Variants in PXDNL observed in about 807,000 individuals in gnomAD.
PXDNL encodes probable oxidoreductase PXDNL.
A neutral mutation model predicts 150.8 loss-of-function variants in PXDNL; 145 were observed. That is an observed-to-expected ratio of 0.96 (90% CI 0.84 to 1.10). PXDNL has a LOEUF of 1.10. Ranked by LOEUF, PXDNL falls within the 50% of genes least tolerant of loss-of-function variation. PXDNL has a pLI of 0.00. For missense variants in PXDNL, 2,087 were observed against 1,873.9 expected (o/e 1.11, Z -2.10); for synonymous variants, 757 against 725.7 (o/e 1.04, Z -0.69).
At chr8:51,334,114 A>ATTTTCTT (rs879861387) in intron 21 of PXDNL, among the ~76,000 whole-genome samples, 33,036 of 151,636 alleles carry the variant, frequency 0.22, 3,808 homozygotes, top group Middle Eastern at 0.3. Flanking sequence ...AATCATATCA[A>ATTTTCTT]GCATTCTCGC....
intron 4 of PXDNL, among the ~76,000 whole-genome samples, chr8:51,533,814 T>G (rs1159073156): frequency 6.6e-6 from 1 of 150,548 alleles, no homozygotes; most frequent in African/African-American, 2.5e-5. Context: ...TGGAGTGCAG[T>G]GGCGTGATCT....
intron 1 of PXDNL, among the ~76,000 whole-genome samples, chr8:51,677,594 T>G (rs1319159057): frequency 1.3e-5 from 2 of 152,150 alleles, no homozygotes; most frequent in Non-Finnish European, 2.9e-5. Context: ...ATTAATGGAC[T>G]TAGGTGTTAA....
At chr8:51,618,954 G>T (rs1814183828) in intron 2 of PXDNL, among the ~76,000 whole-genome samples, 1 of 152,168 alleles carries the variant, frequency 6.6e-6, no homozygotes, top group South Asian at 2.1e-4. Context: ...TATATTTCAA[G>T]AAGTATTTCT....
At chr8:51,785,244 C>T (rs2037450036) in intron 1 of PXDNL, among the ~76,000 whole-genome samples, 1 of 150,876 alleles carries the variant, frequency 6.6e-6, no homozygotes, top group Non-Finnish European at 1.5e-5. Flanking sequence ...TTTGTACCTG[C>T]CAAAAAAAAA....
chr8:51,642,357 T>C (rs1334968354), intron 2 of PXDNL, among the ~76,000 whole-genome samples: 1 of 151,932 alleles, frequency 6.6e-6, no homozygotes, highest in Non-Finnish European at 1.5e-5. Flanking sequence ...TAAAGTATAA[T>C]AATATAAAAT....
intron 19 of PXDNL, among the ~76,000 whole-genome samples, chr8:51,370,318 C>A (rs1418823357): frequency 6.6e-6 from 1 of 152,184 alleles, no homozygotes; most frequent in Non-Finnish European, 1.5e-5. Context: ...CTGGTCATCA[C>A]AGCCCACACC....
chr8:51,539,938 CTTT>C (rs61652546), intron 4 of PXDNL, among the ~76,000 whole-genome samples: 2 of 145,056 alleles, frequency 1.4e-5, no homozygotes. Flanking sequence ...TATCTACTAC[CTTT>C]TTTTTTTTTT....
chr8:51,609,838 A>G (rs1301758418), intron 2 of PXDNL, among the ~76,000 whole-genome samples: 1 of 152,198 alleles, frequency 6.6e-6, no homozygotes, highest in Non-Finnish European at 1.5e-5. Context: ...AAATGTACGT[A>G]GAGAAGTGCT....
chr8:51,432,128 T>A (rs1012351102), intron 12 of PXDNL, among the ~76,000 whole-genome samples: 1 of 152,226 alleles, frequency 6.6e-6, no homozygotes, highest in Non-Finnish European at 1.5e-5. Flanking sequence ...ATATTAAAAC[T>A]TTTTTATCTG....
intron 2 of PXDNL, among the ~76,000 whole-genome samples, chr8:51,637,572 GA>G (rs1472590036): frequency 1.3e-5 from 2 of 152,158 alleles, no homozygotes; most frequent in Non-Finnish European, 2.9e-5. Flanking sequence ...TTCAGTAGCC[GA>G]TTCTATCAAC....
At chr8:51,422,312 C>G (rs1006383340) in intron 14 of PXDNL, among the ~76,000 whole-genome samples, 1 of 152,080 alleles carries the variant, frequency 6.6e-6, no homozygotes, top group African/African-American at 2.4e-5. Context: ...AAGCCATCTC[C>G]CCACCCCGGT....
At chr8:51,532,223 A>C (rs2130435948) in intron 4 of PXDNL, among the ~76,000 whole-genome samples, 1 of 151,690 alleles carries the variant, frequency 6.6e-6, no homozygotes, top group South Asian at 2.1e-4. Flanking sequence ...GCCAGAATTA[A>C]GAAAAAAAAG....
At chr8:51,790,901 T>C (rs1321277167) in intron 1 of PXDNL, among the ~76,000 whole-genome samples, 1 of 137,724 alleles carries the variant, frequency 7.3e-6, no homozygotes, top group Non-Finnish European at 1.7e-5. Flanking sequence ...GTAAATACAC[T>C]TCTTTGTACC....
Position 51,428,404 on chromosome 8 carries a change from A to G in PXDNL, c.1526-1646T>C, listed in dbSNP as rs533574007. Among the ~76,000 whole-genome samples the G allele has an allele frequency of 2.6e-5, 4 of 152,360 alleles. No homozygotes were observed. In the East Asian group the frequency reaches 7.7e-4, roughly 29 times the overall value. Reference sequence around the variant, plus strand: ...GAAATGCAAAGGAACTAGAATAGCTAAATGTTTTTGACAAAAAAGAATAAA... The same window carrying G: ...GAAATGCAAAGGAACTAGAATAGCTGAATGTTTTTGACAAAAAAGAATAAA... On this transcript the variant is annotated intron_variant, in intron 12 of 22. Transcript: ENST00000356297.
At chr8:51,355,572 G>A (rs554406110) in intron 19 of PXDNL, among the ~76,000 whole-genome samples, 1 of 152,114 alleles carries the variant, frequency 6.6e-6, no homozygotes, top group Non-Finnish European at 1.5e-5. Flanking sequence ...CCTGCCTTAG[G>A]TGTAAGTTTT....
intron 8 of PXDNL, among the ~76,000 whole-genome samples, chr8:51,467,124 A>G (rs1323796523): frequency 6.6e-6 from 1 of 152,178 alleles, no homozygotes; most frequent in Non-Finnish European, 1.5e-5. Context: ...AATAGCAAAA[A>G]CATAGAATCA....
chr8:51,727,204 A>G (rs1264334729), intron 1 of PXDNL, among the ~76,000 whole-genome samples: 1 of 152,220 alleles, frequency 6.6e-6, no homozygotes, highest in Non-Finnish European at 1.5e-5. Context: ...GGGAATTTCA[A>G]ACACTGACCC....
intron 2 of PXDNL, among the ~76,000 whole-genome samples, chr8:51,646,407 C>A (rs1814919681): frequency 6.6e-6 from 1 of 152,076 alleles, no homozygotes; most frequent in Admixed American, 6.5e-5. Context: ...GTTGTGATAG[C>A]CGTAGCCAGC....
chr8:51,639,902 A>T (rs1332762627), intron 2 of PXDNL, among the ~76,000 whole-genome samples: 1 of 152,100 alleles, frequency 6.6e-6, no homozygotes, highest in African/African-American at 2.4e-5. Context: ...CGCAACCAAA[A>T]AAGAGAATTT....
Sources: gnomAD v4.1 joint callset for allele counts (sites outside exome capture counted in the v4.1 genomes callset) on GRCh38, gnomAD v4.1.1 for gene constraint, MANE v1.5 for transcripts, NCBI Gene and HGNC (gene_info 2026-07-23, HGNC 2026-07-21) for gene names.